Variants in CALN1 observed in about 807,000 individuals in gnomAD.
The protein encoded by CALN1 is calcium-binding protein 8.
In CALN1, 17 loss-of-function variants were observed where a neutral mutation model predicts 30.6. The ratio of observed to expected loss-of-function variants is 0.56; its 90% CI spans 0.38 to 0.83. The LOEUF (loss-of-function observed/expected upper bound fraction) is 0.83, where lower values mean the gene tolerates loss of function less well. CALN1 is among the 40% of genes least tolerant of loss of function. The pLI, the probability that CALN1 is intolerant of heterozygous loss-of-function variation, is 0.00. For missense variants in CALN1, 291 were observed against 354.9 expected (o/e 0.82, Z 1.45); for synonymous variants, 156 against 131.4 (o/e 1.19, Z -1.28).
chr7:72,409,883 G>T (rs184976773), intron 1 of CALN1, among the ~76,000 whole-genome samples: 4 of 152,282 alleles, frequency 2.6e-5, no homozygotes, highest in Admixed American at 6.5e-5. Flanking sequence ...GTCTCTGCTA[G>T]ATTTTACAAT....
chr7:71,793,758 C>A (rs1156720831), intron 6 of CALN1, among the ~76,000 whole-genome samples: 1 of 152,038 alleles, frequency 6.6e-6, no homozygotes, highest in Non-Finnish European at 1.5e-5. Context: ...TGCCTGTAAT[C>A]CCCGCTACTC....
intron 5 of CALN1, among the ~76,000 whole-genome samples, chr7:71,957,839 C>A (rs1797036514): frequency 6.6e-6 from 1 of 151,928 alleles, no homozygotes; most frequent in African/African-American, 2.4e-5. Context: ...CCGAAGCAGG[C>A]AGATCACCTG....
At chr7:72,191,443 A>G (rs1248939270) in intron 3 of CALN1, among the ~76,000 whole-genome samples, 2 of 151,872 alleles carry the variant, frequency 1.3e-5, no homozygotes, top group African/African-American at 4.8e-5. Context: ...CTGTAGTAAA[A>G]ATACAAAAAT....
At chr7:72,249,425 T>C (rs540395739) in intron 3 of CALN1, among the ~76,000 whole-genome samples, 1 of 150,004 alleles carries the variant, frequency 6.7e-6, no homozygotes, top group South Asian at 2.1e-4. Flanking sequence ...CAAGATCACA[T>C]GTTTAATGGC....
chr7:72,172,870 C>A (rs930788889), intron 3 of CALN1, among the ~76,000 whole-genome samples: 1 of 152,110 alleles, frequency 6.6e-6, no homozygotes. Context: ...AGACTTCCCC[C>A]CTAAAATTGG....
intron 4 of CALN1, among the ~76,000 whole-genome samples, chr7:72,036,136 A>AT (rs1394538106): frequency 2.0e-5 from 3 of 152,130 alleles, no homozygotes; most frequent in Non-Finnish European, 4.4e-5. Flanking sequence ...ATTGACAGGT[A>AT]TTTTTTTCTT....
chr7:71,995,178 ATGGGTTCTCTACC>A (rs1291816148), intron 5 of CALN1, among the ~76,000 whole-genome samples: 3 of 152,114 alleles, frequency 2.0e-5, no homozygotes, highest in Non-Finnish European at 4.4e-5. Context: ...TATTACGCAC[ATGGGTTCTCTACC>A]TGCCCAGGGC....
At chr7:71,999,814 T>C (rs1799437543) in intron 5 of CALN1, among the ~76,000 whole-genome samples, 1 of 151,962 alleles carries the variant, frequency 6.6e-6, no homozygotes, top group Admixed American at 6.6e-5. Flanking sequence ...TGCCCAGCCA[T>C]ATGCATTTTT....
chr7:71,977,499 G>A (rs754187055), intron 5 of CALN1, among the ~76,000 whole-genome samples: 2 of 152,120 alleles, frequency 1.3e-5, no homozygotes, highest in African/African-American at 2.4e-5. Flanking sequence ...ACCAGACAGT[G>A]TTGCACCTGC....
chr7:72,026,028 T>C (rs559102899), intron 4 of CALN1, among the ~76,000 whole-genome samples: 8 of 152,226 alleles, frequency 5.3e-5, no homozygotes, highest in Admixed American at 2.6e-4. Flanking sequence ...GGAGAAGAAA[T>C]TGATTTATCT....
chr7:72,068,760 G>A (rs1804196155), intron 4 of CALN1, among the ~76,000 whole-genome samples: 2 of 152,058 alleles, frequency 1.3e-5, no homozygotes, highest in South Asian at 4.2e-4. Context: ...CAAAGTGCTG[G>A]GATTACAGGC....
At chr7:72,338,784 A>G (rs1303904561) in intron 2 of CALN1, among the ~76,000 whole-genome samples, 2 of 152,056 alleles carry the variant, frequency 1.3e-5, no homozygotes, top group Non-Finnish European at 2.9e-5. Context: ...ATTCCCTCAA[A>G]CATTCATCCT....
the CALN1 span, among the ~76,000 whole-genome samples, chr7:72,487,939 AAGGAAGGAAGGAAGGAAAGG>A: frequency 1.1e-4 from 9 of 82,160 alleles, no homozygotes; most frequent in African/African-American, 4.9e-4. Flanking sequence ...GGAAGGAAGG[AAGGAAGGAAGGAAGGAAAGG>A]AAGGAAGGAA....
Position 72,015,349 on chromosome 7 carries a change from T to C in CALN1, c.501+8308A>G, listed in dbSNP as rs561650477. Among the ~76,000 whole-genome samples the C allele has an allele frequency of 4.1e-4, 63 of 152,156 alleles. 1 individual carries two copies. The South Asian group carries it at 0.013, about 31-fold the overall frequency. ...CTAATAGAAACAGATTGCTGGGCCATAGGCCTGGAGTTTCTGATTCAACAG... is the reference window on the plus strand; with the variant it reads ...CTAATAGAAACAGATTGCTGGGCCACAGGCCTGGAGTTTCTGATTCAACAG... On this transcript the variant is annotated intron_variant, in intron 5 of 6. Coordinates refer to ENST00000395275, the MANE Select transcript of CALN1 (RefSeq NM_031468.4).
At chr7:71,858,700 C>T (rs1791092427) in intron 5 of CALN1, among the ~76,000 whole-genome samples, 1 of 152,090 alleles carries the variant, frequency 6.6e-6, no homozygotes, top group Non-Finnish European at 1.5e-5. Context: ...CAGTGAAAGG[C>T]CAATCAGAGA....
At position 71,946,587 on chromosome 7, in the gene CALN1, C is replaced by T. The variant is rs373355680; in HGVS notation, c.501+77070G>A. Among the ~76,000 whole-genome samples the T allele has an allele frequency of 7.9e-5, 12 of 152,218 alleles. No individual in the cohort carries two copies. The East Asian group carries it at 2.1e-3, about 27-fold the overall frequency. On this transcript the variant is annotated intron_variant, in intron 5 of 6. Coordinates refer to ENST00000395275, the MANE Select transcript of CALN1 (RefSeq NM_031468.4). ...GTATTGCCTAGGCCGGTCTTGAACT[C>T]CTGGGCTCAAGCAATCCTCCTGCGT...
chr7:72,140,886 G>A (rs879502273), intron 3 of CALN1, among the ~76,000 whole-genome samples: 5 of 152,238 alleles, frequency 3.3e-5, no homozygotes, highest in South Asian at 2.1e-4. Flanking sequence ...AGCCCAGGGC[G>A]CTGGGGCCTT....
chr7:72,376,792 CATGAGA>C (rs1804587041), intron 2 of CALN1, among the ~76,000 whole-genome samples: 1 of 152,310 alleles, frequency 6.6e-6, no homozygotes, highest in East Asian at 1.9e-4. Context: ...TAACCCAAGT[CATGAGA>C]TTTACACCTG....
At chr7:71,810,612 T>A in intron 5 of CALN1, 120 bp from the exon 6 acceptor site, 1 of 933,532 alleles carries the variant, frequency 1.1e-6, no homozygotes, top group South Asian at 1.7e-5. Flanking sequence ...TTTCAGGATA[T>A]CAGGTGAACA....
Sources: allele counts gnomAD v4.1 joint callset (sites outside exome capture counted in the v4.1 genomes callset), GRCh38; gene constraint gnomAD v4.1.1; transcripts MANE v1.5; gene names NCBI Gene and HGNC (gene_info 2026-07-23, HGNC 2026-07-21).